Variants in APBB2 observed in about 807,000 individuals in gnomAD.
The protein encoded by APBB2 is amyloid beta precursor protein binding family B member 2, also known as Fe65-like 1.
A neutral mutation model predicts 82.5 loss-of-function variants in APBB2; 38 were observed. The ratio of observed to expected loss-of-function variants is 0.46; its 90% CI spans 0.36 to 0.60. The LOEUF is 0.60. Among genes scored for constraint, APBB2 ranks in the 20% least tolerant of loss-of-function variants. The pLI is 0.00. For missense variants in APBB2, 772 were observed against 972.3 expected, an observed-to-expected ratio of 0.79 and a Z score of 2.74; for synonymous variants, 341 against 368.2, an observed-to-expected ratio of 0.93 and a Z score of 0.85.
Position 41,082,786 on chromosome 4 carries a change from T to C in APBB2, c.-148-17113A>G, listed in dbSNP as rs112702164. Among the ~76,000 whole-genome samples, 1,201 of 152,116 alleles carry C rather than the reference T, an allele frequency of 7.9e-3. 18 individuals carry two copies. The highest frequency in any genetic ancestry group is 0.027 in the African/African-American group (1,120 of 41,482). On this transcript the variant is annotated intron_variant, in intron 3 of 17. Transcript: ENST00000508593. ...GAAGCATTATTCACAAAAGGAAAAA[T>C]GGCAACAATCTAAATTTTCAGCAGC...
chr4:40,985,850 G>T (rs914839951), intron 6 of APBB2, among the ~76,000 whole-genome samples: 2 of 152,136 alleles, frequency 1.3e-5, no homozygotes, highest in Non-Finnish European at 2.9e-5. Flanking sequence ...AGAAAGTTGA[G>T]CAAAGCATTT....
chr4:41,051,728 C>T (rs1480434138), intron 4 of APBB2, among the ~76,000 whole-genome samples: 1 of 152,180 alleles, frequency 6.6e-6, no homozygotes, highest in Non-Finnish European at 1.5e-5. Flanking sequence ...TCCAACTGTA[C>T]TCTCCCGCAG....
At chr4:40,880,902 G>GA in intron 12 of APBB2, 3 of 984,986 alleles carry the variant, frequency 3.0e-6, no homozygotes, top group Non-Finnish European at 3.6e-6. Flanking sequence ...TTTCTCAGGA[G>GA]AAACTGTCGC....
At chr4:41,000,059 A>ATGTGTGTGTGTGTGTGTGTGTGTGTG (rs1307419146) in intron 6 of APBB2, among the ~76,000 whole-genome samples, 1 of 92,902 alleles carries the variant, frequency 1.1e-5, no homozygotes, top group Admixed American at 1.3e-4. Context: ...ATATGTATAT[A>ATGTGTGTGTGTGTGTGTGTGTGTGTG]TATGTGTGTA....
intron 6 of APBB2, among the ~76,000 whole-genome samples, chr4:40,985,177 G>GT (rs1800092096): frequency 1.3e-5 from 2 of 151,916 alleles, no homozygotes; most frequent in Admixed American, 1.3e-4. Context: ...AGCCTCCAAC[G>GT]TGTTGGGATT....
intron 1 of APBB2, among the ~76,000 whole-genome samples, chr4:41,197,967 G>A: frequency 1.3e-5 from 2 of 152,116 alleles, no homozygotes; most frequent in East Asian, 3.8e-4. Context: ...TATTCATTAC[G>A]TGCTGACTAT....
intron 13 of APBB2, among the ~76,000 whole-genome samples, 198 bp from the exon 14 acceptor site, chr4:40,827,417 G>A (rs556018275): frequency 1.4e-4 from 22 of 152,058 alleles, no homozygotes; most frequent in Non-Finnish European, 3.1e-4. Flanking sequence ...GGGATGATAG[G>A]TGAAAAACTA....
intron 6 of APBB2, among the ~76,000 whole-genome samples, chr4:40,972,233 C>T (rs1796097009): frequency 6.6e-6 from 1 of 151,892 alleles, no homozygotes; most frequent in Admixed American, 6.6e-5. Flanking sequence ...TGGAGACCAT[C>T]CTGGCTAACA....
intron 10 of APBB2, among the ~76,000 whole-genome samples, chr4:40,898,415 C>A (rs1774302806): frequency 6.6e-6 from 1 of 151,640 alleles, no homozygotes; most frequent in African/African-American, 2.4e-5. Flanking sequence ...AGGCATGCGC[C>A]ACCACGCCTC....
At chr4:41,174,398 T>C (rs1460077577) in intron 1 of APBB2, among the ~76,000 whole-genome samples, 1 of 152,178 alleles carries the variant, frequency 6.6e-6, no homozygotes, top group East Asian at 1.9e-4. Context: ...TTAACTCATC[T>C]CTGCTTAACC....
chr4:41,119,149 A>ATT (rs11384154), intron 2 of APBB2, among the ~76,000 whole-genome samples: 42 of 146,588 alleles, frequency 2.9e-4, no homozygotes, highest in East Asian at 1.2e-3. Flanking sequence ...AAAATAATTG[A>ATT]TTTTTTTTTT....
chr4:40,996,558 T>C (rs906351885), intron 6 of APBB2, among the ~76,000 whole-genome samples: 1 of 152,164 alleles, frequency 6.6e-6, no homozygotes, highest in African/African-American at 2.4e-5. Context: ...TCCCACATCA[T>C]CTCAACTGAC....
intron 1 of APBB2, among the ~76,000 whole-genome samples, chr4:41,184,834 C>T (rs1267560902): frequency 6.6e-6 from 1 of 152,242 alleles, no homozygotes; most frequent in Non-Finnish European, 1.5e-5. Flanking sequence ...GTGACATTCA[C>T]TGCAGAGCTC....
chr4:40,936,706 A>G (rs985780183), intron 7 of APBB2, among the ~76,000 whole-genome samples: 11 of 152,216 alleles, frequency 7.2e-5, no homozygotes, highest in Admixed American at 2.6e-4. Context: ...GGGAACTTAG[A>G]CCACTATATT....
intron 10 of APBB2, among the ~76,000 whole-genome samples, chr4:40,904,771 G>A (rs1434020520): frequency 1.3e-5 from 2 of 150,726 alleles, no homozygotes; most frequent in African/African-American, 4.9e-5. Context: ...GGGATTCTCT[G>A]GAGTGAAGCT....
rs537079541 is a variant in APBB2, at chr4:40,890,701, GTCC to G, written c.1402-213_1402-211del. The stretch of plus-strand genomic sequence containing the variant: ...ACCCAATTTCTCTCTCCCTCTCCGA[GTCC>G]TCTGAAATGTGTCCCCATCCTGCTT... On this transcript the variant is annotated intron_variant, in intron 11 of 17. Transcript: ENST00000508593. 4 of 515,938 alleles carry G rather than the reference GTCC, an allele frequency of 7.8e-6. No individual in the cohort carries two copies. In the South Asian group the frequency reaches 9.0e-5, roughly 12 times the overall value. 32.0% of individuals were successfully genotyped at this position (515,938 alleles called of 1,614,324 possible). A position where few individuals can be genotyped will look rare whatever the true frequency, so the allele number is the denominator to read the frequency against.
At chr4:40,865,074 T>C (rs1402310416) in intron 12 of APBB2, among the ~76,000 whole-genome samples, 1 of 152,088 alleles carries the variant, frequency 6.6e-6, no homozygotes, top group Non-Finnish European at 1.5e-5. Flanking sequence ...GTCAGGCTGG[T>C]CTCGAACTCC....
intron 10 of APBB2, among the ~76,000 whole-genome samples, chr4:40,916,469 T>C (rs974784653): frequency 6.6e-6 from 1 of 152,234 alleles, no homozygotes; most frequent in Non-Finnish European, 1.5e-5. Context: ...CACATGGAGA[T>C]TGGCAACTGT....
intron 6 of APBB2, among the ~76,000 whole-genome samples, chr4:40,946,863 G>A (rs898548816): frequency 3.3e-5 from 5 of 152,188 alleles, no homozygotes; most frequent in Admixed American, 6.5e-5. Context: ...CAGGCATCAC[G>A]GGAGCAGAGC....
Sources: allele counts gnomAD v4.1 joint callset (sites outside exome capture counted in the v4.1 genomes callset), GRCh38; gene constraint gnomAD v4.1.1; transcripts MANE v1.5; gene names NCBI Gene and HGNC (gene_info 2026-07-23, HGNC 2026-07-21).